The following SCRG1 variants were observed in gnomAD, a reference collection of about 807,000 sequenced individuals.
The protein encoded by SCRG1 is stimulator of chondrogenesis 1.
A neutral mutation model predicts 7.7 loss-of-function variants in SCRG1; 3 were observed. The ratio of observed to expected loss-of-function variants is 0.39; its 90% CI spans 0.18 to 1.01. The LOEUF (loss-of-function observed/expected upper bound fraction) is 1.01. Among genes scored for constraint, SCRG1 ranks in the 50% least tolerant of loss-of-function variants. The probability of loss-of-function intolerance (pLI) is 0.36; values close to 1 mark genes in which losing one functional copy is unlikely to be tolerated. For synonymous variants in SCRG1, 46 were observed against 41.2 expected (o/e 1.12, Z -0.44); for missense variants, 110 against 117.2 (o/e 0.94, Z 0.28).
the SCRG1 span, among the ~76,000 whole-genome samples, chr4:173,517,417 A>T: frequency 6.6e-6 from 1 of 151,908 alleles, no homozygotes; most frequent in Non-Finnish European, 1.5e-5. Context: ...TTTTGCCTTT[A>T]TATAAGGAGT....
upstream of SCRG1, among the ~76,000 whole-genome samples, chr4:173,408,467 T>C (rs1238849406): frequency 1.3e-5 from 2 of 152,232 alleles, no homozygotes; most frequent in African/African-American, 4.8e-5. Context: ...TGGTCCAGTA[T>C]GGCTCAAGTG....
At chr4:173,436,609 G>C in the SCRG1 span, among the ~76,000 whole-genome samples, 149,302 of 152,282 alleles carry the variant, frequency 0.98, 73,270 homozygotes, top group South Asian at 1. Context: ...GTTCTCTATG[G>C]GTTCTTTTTT....
chr4:173,404,503 C>A (rs1739851136), intron 1 of SCRG1: 1 of 152,152 alleles, frequency 6.6e-6, no homozygotes, highest in African/African-American at 2.4e-5. Context: ...GATTATAATT[C>A]TAGGAGTAAA....
rs1739199788 is a variant in SCRG1, at chr4:173,384,730, A to G, written c.*3611T>C. The stretch of plus-strand genomic sequence containing the variant: ...GATGAAGAAAAGATGAATTTTAATT[A>G]AAAAGAGGTGAGCTATTAATATGTA... On this transcript the variant is annotated 3_prime_UTR_variant, in exon 3 of 3. Transcript: ENST00000296506. 6.6e-6 allele frequency: 1 copy of G among 152,224 alleles called. No homozygotes were observed. The highest frequency in any genetic ancestry group is 1.5e-5 in the Non-Finnish European group (1 of 68,032). The allele number at this position is 152,224 out of a possible 1,614,324, so 9.4% of individuals were successfully genotyped here.
At chr4:173,484,085 A>T in the SCRG1 span, among the ~76,000 whole-genome samples, 16 of 88,076 alleles carry the variant, frequency 1.8e-4, no homozygotes, top group South Asian at 6.2e-3. Flanking sequence ...GATATAATAT[A>T]TAATATACCA....
the SCRG1 span, among the ~76,000 whole-genome samples, chr4:173,434,696 G>A: frequency 1.4e-3 from 218 of 152,208 alleles, 1 homozygote; most frequent in African/African-American, 2.4e-3. Context: ...GCCGGGTGTC[G>A]TGGTGACGCC....
the SCRG1 span, among the ~76,000 whole-genome samples, chr4:173,429,092 G>A: frequency 6.6e-6 from 1 of 152,126 alleles, no homozygotes; most frequent in Non-Finnish European, 1.5e-5. Flanking sequence ...GTCTATTAAA[G>A]TCATACCAAA....
chr4:173,479,420 T>A, the SCRG1 span, among the ~76,000 whole-genome samples: 1 of 151,306 alleles, frequency 6.6e-6, no homozygotes, highest in Non-Finnish European at 1.5e-5. Flanking sequence ...CACAACCTGT[T>A]TTTTTTGTTT....
chr4:173,482,964 T>G, the SCRG1 span, among the ~76,000 whole-genome samples: 5 of 131,928 alleles, frequency 3.8e-5, no homozygotes, highest in African/African-American at 8.7e-5. Flanking sequence ...TTGTACATAT[T>G]GTATATATAA....
At chr4:173,466,533 A>C in the SCRG1 span, among the ~76,000 whole-genome samples, 1 of 152,226 alleles carries the variant, frequency 6.6e-6, no homozygotes, top group Non-Finnish European at 1.5e-5. Flanking sequence ...AAGGGAGACC[A>C]GGATTCCAAT....
upstream of SCRG1, among the ~76,000 whole-genome samples, chr4:173,401,947 A>G (rs1267300682): frequency 6.6e-6 from 1 of 152,238 alleles, no homozygotes; most frequent in Non-Finnish European, 1.5e-5. Context: ...CTGCAATCAC[A>G]GAGTCTGCCT....
intron 1 of SCRG1, chr4:173,398,447 G>A (rs901555292): frequency 6.6e-6 from 1 of 152,182 alleles, no homozygotes; most frequent in African/African-American, 2.4e-5. Context: ...GTGTAATTAA[G>A]TTAAGGAATT....
At chr4:173,401,661 G>C (rs114771285), upstream of SCRG1, among the ~76,000 whole-genome samples, 1 of 152,278 alleles carries the variant, frequency 6.6e-6, no homozygotes, top group African/African-American at 2.4e-5. Context: ...TATGAATGCT[G>C]CCTGTAAGTG....
At chr4:173,418,504 T>A in the SCRG1 span, among the ~76,000 whole-genome samples, 1 of 152,236 alleles carries the variant, frequency 6.6e-6, no homozygotes, top group Non-Finnish European at 1.5e-5. Context: ...AAATAGTTTT[T>A]AAAACCATTG....
the SCRG1 span, among the ~76,000 whole-genome samples, chr4:173,516,330 A>G: frequency 6.6e-6 from 1 of 152,226 alleles, no homozygotes; most frequent in Non-Finnish European, 1.5e-5. Flanking sequence ...ACACGCGCAC[A>G]CACTCTACGT....
At chr4:173,397,994 G>C (rs1289746579) in intron 1 of SCRG1, among the ~76,000 whole-genome samples, 2 of 152,198 alleles carry the variant, frequency 1.3e-5, no homozygotes, top group Admixed American at 6.5e-5. Flanking sequence ...GATTAAAATT[G>C]CTGCCCAGTC....
At chr4:173,422,890 A>C in the SCRG1 span, among the ~76,000 whole-genome samples, 4 of 152,194 alleles carry the variant, frequency 2.6e-5, no homozygotes, top group Non-Finnish European at 5.9e-5. Context: ...CTGGAAACAA[A>C]AGGAAAAAAT....
chr4:173,492,649 C>T, the SCRG1 span, among the ~76,000 whole-genome samples: 1 of 152,170 alleles, frequency 6.6e-6, no homozygotes, highest in Non-Finnish European at 1.5e-5. Flanking sequence ...CCCCCTACAC[C>T]CACGAGGCTG....
the SCRG1 span, among the ~76,000 whole-genome samples, chr4:173,472,566 A>G: frequency 3.9e-5 from 6 of 152,210 alleles, no homozygotes; most frequent in Non-Finnish European, 7.3e-5. Context: ...ATACAGTTCC[A>G]GTCTAAAAGC....
Sources: allele counts gnomAD v4.1 joint callset (sites outside exome capture counted in the v4.1 genomes callset), GRCh38; gene constraint gnomAD v4.1.1; transcripts MANE v1.5; gene names NCBI Gene and HGNC (gene_info 2026-07-23, HGNC 2026-07-21).